Variants in EXT1 observed in about 807,000 individuals in gnomAD.
EXT1 encodes exostosin glycosyltransferase 1.
A neutral mutation model predicts 82.5 loss-of-function variants in EXT1; 20 were observed. The ratio of observed to expected loss-of-function variants is 0.24; its 90% CI spans 0.17 to 0.35. EXT1 has a LOEUF of 0.35. Among genes scored for constraint, EXT1 ranks in the 10% least tolerant of loss-of-function variants. EXT1 has a pLI of 1.00. For missense variants in EXT1, 757 were observed against 936.5 expected, an observed-to-expected ratio of 0.81 and a Z score of 2.50; for synonymous variants, 348 against 350.8, an observed-to-expected ratio of 0.99 and a Z score of 0.09.
In EXT1 at chr8:117,799,772, G is replaced by A; in HGVS notation, c.2181C>T (p.Val727=). 1.2e-6 allele frequency: 2 copies of A among 1,614,162 alleles called. No homozygotes were observed. The highest frequency in any genetic ancestry group is 1.7e-6 in the Non-Finnish European group (2 of 1,180,040). Residue 727 remains valine, a synonymous_variant, in exon 11 of 11, where the codon GTC becomes GTT. Coordinates refer to ENST00000378204, the MANE Select transcript of EXT1 (RefSeq NM_000127.3). The part of the protein sequence containing the change: ...LIHSQMRLDP[V]LFKDQVSILR... ...AAATAGAGACCTGGTCTTTAAAGAGGACGGGGTCGAGCCTCATCTGAGAGT... is the reference window on the plus strand; with the variant it reads ...AAATAGAGACCTGGTCTTTAAAGAGAACGGGGTCGAGCCTCATCTGAGAGT...
chr8:117,968,710 T>C (rs1437155397), intron 1 of EXT1, among the ~76,000 whole-genome samples: 14 of 103,784 alleles, frequency 1.3e-4, no homozygotes, highest in Non-Finnish European at 2.1e-4. Flanking sequence ...GCTGGGACTA[T>C]AGGCGCCCAC....
In EXT1 at chr8:117,963,233, T is replaced by G. The variant is rs868658251; in HGVS notation, c.963-126032A>C. Among the ~76,000 whole-genome samples, 7 of 152,302 alleles carry G rather than the reference T, an allele frequency of 4.6e-5. No individual in the cohort carries two copies. In the South Asian group the frequency reaches 8.3e-4, roughly 18 times the overall value. On this transcript the variant is annotated intron_variant, in intron 1 of 10. Transcript: ENST00000378204. Reference sequence around the variant, plus strand: ...AATGCCATATAAAGTACATGATGTCTGCAGGCAGCTGTGGTTTTCCCGACC... The same window carrying G: ...AATGCCATATAAAGTACATGATGTCGGCAGGCAGCTGTGGTTTTCCCGACC...
At chr8:117,966,068 G>A (rs1814804173) in intron 1 of EXT1, among the ~76,000 whole-genome samples, 2 of 151,820 alleles carry the variant, frequency 1.3e-5, no homozygotes, top group South Asian at 4.2e-4. Context: ...TGTTTTGTTA[G>A]CCAAATAATC....
At chr8:117,812,773 A>G in intron 8 of EXT1, 99 bp downstream of exon 8, 3 of 1,137,190 alleles carry the variant, frequency 2.6e-6, no homozygotes, top group Non-Finnish European at 3.9e-6. Flanking sequence ...AATGTTTTCA[A>G]CTTCTGCCAA....
intron 1 of EXT1, among the ~76,000 whole-genome samples, chr8:117,928,173 G>A (rs1344567029): frequency 6.6e-6 from 1 of 152,220 alleles, no homozygotes; most frequent in Non-Finnish European, 1.5e-5. Flanking sequence ...TGCAGGTGAA[G>A]AGCCAGGACA....
intron 1 of EXT1, among the ~76,000 whole-genome samples, chr8:118,070,772 A>G (rs1022854194): frequency 1.2e-4 from 18 of 152,318 alleles, no homozygotes; most frequent in Middle Eastern, 6.8e-3. Context: ...ACATAAATTA[A>G]GTTGAAATTA....
Position 117,980,697 on chromosome 8 carries a change from G to GTTTTTTTTTTTTTTTTTTTTTTTTTTT in EXT1, c.962+129387_962+129388insAAAAAAAAAAAAAAAAAAAAAAAAAAA, listed in dbSNP as rs1491146564. ...AAGGTTTGTTTGTTCGGGTGTTGGT[G>GTTTTTTTTTTTTTTTTTTTTTTTTTTT]GTTTTTTTTTTTTTTTTTTTTTTTT... On this transcript the variant is annotated intron_variant, in intron 1 of 10. Coordinates refer to ENST00000378204, the MANE Select transcript of EXT1 (RefSeq NM_000127.3). Among the ~76,000 whole-genome samples, 2 of 27,584 alleles carry GTTTTTTTTTTTTTTTTTTTTTTTTTTT rather than the reference G, an allele frequency of 7.3e-5. 1 individual carries two copies. The allele number at this position is 27,584 out of a possible 152,430, so 18.1% of individuals were successfully genotyped here.
intron 1 of EXT1, among the ~76,000 whole-genome samples, chr8:117,944,173 A>G (rs982704433): frequency 6.6e-6 from 1 of 152,160 alleles, no homozygotes. Flanking sequence ...AGGCCCAGAC[A>G]GGCAGATCAC....
chr8:118,048,525 T>C lies in EXT1; in HGVS notation c.962+61560A>G, dbSNP rs11562724. ...AGTTTATTTTACCCTTTCAAATCAA[T>C]TTTTTTTCCCATTAGAAGAAAGGCA... On this transcript the variant is annotated intron_variant, in intron 1 of 10. Coordinates refer to ENST00000378204, the MANE Select transcript of EXT1 (RefSeq NM_000127.3). Among the ~76,000 whole-genome samples the C allele has an allele frequency of 6.5e-3, 992 of 152,116 alleles. 3 individuals carry two copies. Among genetic ancestry groups the C allele is most frequent in the Middle Eastern group, 0.017 (5 of 294 alleles).
At chr8:117,963,586 G>A (rs914429617) in intron 1 of EXT1, among the ~76,000 whole-genome samples, 2 of 152,116 alleles carry the variant, frequency 1.3e-5, no homozygotes, top group African/African-American at 4.8e-5. Context: ...CACCTCCCGG[G>A]TTCAAGCGAT....
At chr8:118,033,397 C>T (rs1816367672) in intron 1 of EXT1, among the ~76,000 whole-genome samples, 1 of 152,208 alleles carries the variant, frequency 6.6e-6, no homozygotes, top group Non-Finnish European at 1.5e-5. Flanking sequence ...AGACTCTTAA[C>T]TTACTTAAGA....
chr8:118,006,960 TC>T (rs1815789417), intron 1 of EXT1, among the ~76,000 whole-genome samples: 1 of 152,188 alleles, frequency 6.6e-6, no homozygotes, highest in African/African-American at 2.4e-5. Context: ...CTATGTGAAA[TC>T]CTTCAGTTGT....
At chr8:117,997,188 G>A (rs1815561001) in intron 1 of EXT1, among the ~76,000 whole-genome samples, 1 of 151,144 alleles carries the variant, frequency 6.6e-6, no homozygotes, top group Non-Finnish European at 1.5e-5. Context: ...AATTTAAAGT[G>A]GAGATGCTCA....
intron 1 of EXT1, among the ~76,000 whole-genome samples, chr8:118,039,659 A>G (rs1243694762): frequency 6.6e-6 from 1 of 152,028 alleles, no homozygotes; most frequent in Non-Finnish European, 1.5e-5. Context: ...TTTTGAAGAA[A>G]ATGCTGATGA....
intron 1 of EXT1, among the ~76,000 whole-genome samples, chr8:117,923,185 C>T (rs1217119188): frequency 2.0e-5 from 3 of 151,860 alleles, no homozygotes; most frequent in Admixed American, 6.6e-5. Context: ...ATTAGCTGGG[C>T]GTGGTGGTGG....
chr8:117,820,687 A>G (rs908666916), intron 5 of EXT1, among the ~76,000 whole-genome samples: 3 of 150,726 alleles, frequency 2.0e-5, no homozygotes, highest in African/African-American at 7.3e-5. Context: ...ACATAGCAAG[A>G]CTCCGTCTTA....
intron 1 of EXT1, among the ~76,000 whole-genome samples, chr8:117,946,393 C>T (rs1427114576): frequency 1.3e-5 from 2 of 151,900 alleles, no homozygotes; most frequent in African/African-American, 4.8e-5. Context: ...TGAGGGAGGA[C>T]GAATAAAAGG....
intron 1 of EXT1, among the ~76,000 whole-genome samples, chr8:118,079,300 C>T (rs1050690803): frequency 6.6e-6 from 1 of 152,218 alleles, no homozygotes; most frequent in Non-Finnish European, 1.5e-5. Flanking sequence ...TAATTTTTCA[C>T]CATGTCCACA....
At chr8:117,840,680 C>A (rs752023103) in intron 1 of EXT1, among the ~76,000 whole-genome samples, 1 of 150,956 alleles carries the variant, frequency 6.6e-6, no homozygotes, top group Non-Finnish European at 1.5e-5. Flanking sequence ...GGACTTTCAT[C>A]TAGAATACAT....
Sources: allele counts gnomAD v4.1 joint callset (sites outside exome capture counted in the v4.1 genomes callset), GRCh38; gene constraint gnomAD v4.1.1; transcripts MANE v1.5; gene names NCBI Gene and HGNC (gene_info 2026-07-23, HGNC 2026-07-21).